LARP1: variants seen among roughly 807,000 people sequenced by gnomAD.
LARP1 encodes la-related protein 1.
LARP1 carries 36 observed loss-of-function variants against 122.7 expected under a neutral mutation model. The observed-to-expected ratio is 0.29, with a 90% confidence interval of 0.22 to 0.39. The LOEUF (loss-of-function observed/expected upper bound fraction) is 0.39, where lower values mean the gene tolerates loss of function less well. Ranked by LOEUF, LARP1 falls within the 10% of genes least tolerant of loss-of-function variation. The pLI is 1.00. For missense variants in LARP1, 1,040 were observed against 1,403.6 expected (o/e 0.74, Z 4.14); for synonymous variants, 539 against 528.7 (o/e 1.02, Z -0.27).
At chr5:154,697,130 AG>A (rs975172769) in intron 1 of LARP1, among the ~76,000 whole-genome samples, 6 of 151,874 alleles carry the variant, frequency 4.0e-5, no homozygotes, top group Non-Finnish European at 8.8e-5. Context: ...GAATTGTTTT[AG>A]GGTAAAGATC....
chr5:154,774,294 T>TTCTCTGCA (rs1353230246), intron 1 of LARP1, among the ~76,000 whole-genome samples: 3 of 152,176 alleles, frequency 2.0e-5, no homozygotes, highest in South Asian at 4.1e-4. Flanking sequence ...AAGCCAGCCT[T>TTCTCTGCA]TCTCTGCATC....
chr5:154,789,584 A>G (rs1451984849), intron 1 of LARP1, among the ~76,000 whole-genome samples: 1 of 152,196 alleles, frequency 6.6e-6, no homozygotes, highest in Non-Finnish European at 1.5e-5. Context: ...TATCTTTTTC[A>G]TAACTTTTCT....
chr5:154,810,787 G>A (rs1003866636), intron 16 of LARP1, among the ~76,000 whole-genome samples: 7 of 152,134 alleles, frequency 4.6e-5, no homozygotes, highest in Non-Finnish European at 8.8e-5. Flanking sequence ...GCGCCTGGCC[G>A]CATGTGTTCC....
chr5:154,780,390 C>A (rs1391843946), intron 1 of LARP1, among the ~76,000 whole-genome samples: 1 of 152,166 alleles, frequency 6.6e-6, no homozygotes, highest in Non-Finnish European at 1.5e-5. Flanking sequence ...TTGACAGTAT[C>A]GGTAATTTTG....
chr5:154,810,323 CT>C (rs1759159574), intron 16 of LARP1, among the ~76,000 whole-genome samples: 1 of 151,582 alleles, frequency 6.6e-6, no homozygotes, highest in Admixed American at 6.6e-5. Flanking sequence ...GTAGTTCCAG[CT>C]ACACGGGAGG....
chr5:154,711,180 C>T (rs1224997840), upstream of LARP1, among the ~76,000 whole-genome samples: 3 of 147,722 alleles, frequency 2.0e-5, no homozygotes, highest in Admixed American at 6.8e-5. Context: ...CTCACTCTGT[C>T]GCCTGGGTTG....
intron 1 of LARP1, among the ~76,000 whole-genome samples, chr5:154,695,091 G>A (rs577805199): frequency 5.3e-5 from 8 of 152,164 alleles, no homozygotes; most frequent in South Asian, 2.1e-4. Flanking sequence ...CGAGATGGGC[G>A]GATTACGAGG....
intron 1 of LARP1, among the ~76,000 whole-genome samples, chr5:154,777,105 T>C (rs1755961536): frequency 6.6e-6 from 1 of 152,236 alleles, no homozygotes; most frequent in African/African-American, 2.4e-5. Flanking sequence ...TTGTATAGTA[T>C]AGCCTGTTGC....
rs183802597 is a variant in LARP1 at position 154,687,734 on chromosome 5, C to T, written c.-180+4697C>T. 6.0e-4 allele frequency among the ~76,000 whole-genome samples: 91 copies of T among 152,120 alleles called. 1 individual carries two copies. The highest frequency in any genetic ancestry group is 2.0e-3 in the African/African-American group (82 of 41,498). ...GCACTCATGCCAGAGCTTTGGAAGG[C>T]GAAGGTGGCAGGAAAGTTTGAGGCT... On this transcript the variant is annotated intron_variant, in intron 1 of 18. Transcript: ENST00000687700.
chr5:154,791,882 C>T (rs1757381289), intron 3 of LARP1: 5 of 441,362 alleles, frequency 1.1e-5, no homozygotes, highest in Non-Finnish European at 2.3e-5. Context: ...ATTGCCTGTT[C>T]ATCATCTCAT....
At chr5:154,781,612 A>C (rs1561597462) in intron 1 of LARP1, among the ~76,000 whole-genome samples, 1 of 152,174 alleles carries the variant, frequency 6.6e-6, no homozygotes, top group African/African-American at 2.4e-5. Flanking sequence ...GGAAAAAAAA[A>C]ACGGAAAAAT....
At chr5:154,688,481 C>T (rs1265742032) in intron 1 of LARP1, among the ~76,000 whole-genome samples, 1 of 151,604 alleles carries the variant, frequency 6.6e-6, no homozygotes, top group Non-Finnish European at 1.5e-5. Context: ...GAAACCCTGT[C>T]TCTTTCTGGC....
chr5:154,815,003 T>A lies in LARP1; in HGVS notation c.*907T>A, dbSNP rs1471998781. 1 of 152,604 alleles carries A rather than the reference T, an allele frequency of 6.6e-6. No individual in the cohort carries two copies. The highest frequency in any genetic ancestry group is 1.5e-5 in the Non-Finnish European group (1 of 68,030). The allele number at this position is 152,604 out of a possible 1,614,324, so 9.5% of individuals were successfully genotyped here. A position where few individuals can be genotyped will look rare whatever the true frequency, so the allele number is the denominator to read the frequency against. On this transcript the variant is annotated 3_prime_UTR_variant, in exon 19 of 19. Coordinates refer to ENST00000518297, the MANE Select transcript of LARP1 (RefSeq NM_033551.3). ...TTTGTTTTTGGAAATAATATTTTTT[T>A]AAAAGTTGCCTTATTGTGGAGCGGG...
At chr5:154,739,407 T>G (rs1757096911) in intron 1 of LARP1, among the ~76,000 whole-genome samples, 1 of 152,178 alleles carries the variant, frequency 6.6e-6, no homozygotes, top group Non-Finnish European at 1.5e-5. Context: ...GTTTAGCTAT[T>G]TTTGTTGTGT....
chr5:154,773,468 C>T (rs909134289), intron 1 of LARP1, among the ~76,000 whole-genome samples: 17 of 152,142 alleles, frequency 1.1e-4, no homozygotes, highest in African/African-American at 2.2e-4. Flanking sequence ...TCTGCAGGCA[C>T]GCTGGGGTTG....
chr5:154,719,918 A>G (rs1055857473), intron 1 of LARP1, among the ~76,000 whole-genome samples: 1 of 147,276 alleles, frequency 6.8e-6, no homozygotes, highest in Non-Finnish European at 1.5e-5. Flanking sequence ...CTGGCCGGGC[A>G]TGGTGGCTTA....
chr5:154,783,461 C>G (rs924366591), intron 1 of LARP1, among the ~76,000 whole-genome samples: 6 of 152,090 alleles, frequency 3.9e-5, no homozygotes, highest in Admixed American at 6.5e-5. Context: ...AGAATGATGC[C>G]CAGGCATCCC....
intron 1 of LARP1, among the ~76,000 whole-genome samples, chr5:154,784,556 T>C (rs1756733749): frequency 6.6e-6 from 1 of 152,234 alleles, no homozygotes; most frequent in South Asian, 2.1e-4. Flanking sequence ...CTTCCTAATT[T>C]TCCTGGCAGT....
chr5:154,736,495 T>G (rs1469515282), intron 1 of LARP1, among the ~76,000 whole-genome samples: 1 of 152,098 alleles, frequency 6.6e-6, no homozygotes, highest in Non-Finnish European at 1.5e-5. Context: ...CCTCCCAAAG[T>G]GCTTAGATTA....
Sources: allele counts gnomAD v4.1 joint callset (sites outside exome capture counted in the v4.1 genomes callset), GRCh38; gene constraint gnomAD v4.1.1; transcripts MANE v1.5; gene names NCBI Gene and HGNC (gene_info 2026-07-23, HGNC 2026-07-21).